PRDM5: variants seen among roughly 807,000 people sequenced by gnomAD.
PRDM5 encodes the protein PR/SET domain 5.
In PRDM5, 56 loss-of-function variants were observed where a neutral mutation model predicts 81.2. That is an observed-to-expected ratio of 0.69 (90% confidence interval 0.56 to 0.86). PRDM5 has a LOEUF of 0.86. Ranked by LOEUF, PRDM5 falls within the 40% of genes least tolerant of loss-of-function variation. PRDM5 has a pLI of 0.00. For synonymous variants in PRDM5, 267 were observed against 256.4 expected (o/e 1.04, Z -0.39); for missense variants, 697 against 770.1 (o/e 0.91, Z 1.12).
intron 10 of PRDM5, among the ~76,000 whole-genome samples, chr4:120,793,819 A>C (rs1561258712): frequency 6.6e-6 from 1 of 152,186 alleles, no homozygotes; most frequent in Admixed American, 6.5e-5. Flanking sequence ...ATAACGTGTG[A>C]GTAATGAATA....
chr4:120,877,543 G>A (rs1419642983), intron 2 of PRDM5, among the ~76,000 whole-genome samples: 2 of 152,156 alleles, frequency 1.3e-5, no homozygotes, highest in African/African-American at 4.8e-5. Context: ...GGTGGCTCAC[G>A]CCTGTAATCC....
At chr4:120,798,625 G>A (rs868688880) in intron 9 of PRDM5, among the ~76,000 whole-genome samples, 27 of 152,252 alleles carry the variant, frequency 1.8e-4, no homozygotes, top group African/African-American at 6.3e-4. Flanking sequence ...TCTTACAGAC[G>A]TATTTTGAAT....
intron 14 of PRDM5, among the ~76,000 whole-genome samples, chr4:120,746,949 GC>G (rs899375584): frequency 1.3e-5 from 2 of 151,050 alleles, no homozygotes; most frequent in African/African-American, 2.5e-5. Context: ...TACCCAAAGG[GC>G]TATAAATCAT....
intron 3 of PRDM5, chr4:120,839,195 G>A (rs375540235): frequency 4.0e-5 from 28 of 700,844 alleles, no homozygotes; most frequent in East Asian, 3.8e-4. Flanking sequence ...TCGCAATGTG[G>A]CAAGCAAGGA....
chr4:120,771,292 TTAAAAG>T (rs1407450737), intron 13 of PRDM5, among the ~76,000 whole-genome samples: 1 of 152,142 alleles, frequency 6.6e-6, no homozygotes, highest in Non-Finnish European at 1.5e-5. Context: ...AGTGTAAATA[TTAAAAG>T]CCTAGGATAA....
At chr4:120,714,540 C>T (rs1737474391) in intron 14 of PRDM5, among the ~76,000 whole-genome samples, 1 of 152,094 alleles carries the variant, frequency 6.6e-6, no homozygotes, top group African/African-American at 2.4e-5. Flanking sequence ...TTCTCATAAG[C>T]AACGCATGTT....
At chr4:120,849,793 C>A (rs1053853301) in intron 3 of PRDM5, among the ~76,000 whole-genome samples, 2 of 152,078 alleles carry the variant, frequency 1.3e-5, no homozygotes, top group Admixed American at 1.3e-4. Context: ...TCCTTTAGTG[C>A]AACAAAATTA....
rs376938324 is a variant in PRDM5, at chr4:120,742,809, T to C, written c.1623+11744A>G. On this transcript the variant is annotated intron_variant, in intron 14 of 15. Coordinates refer to ENST00000264808, the MANE Select transcript of PRDM5 (RefSeq NM_018699.4). ...AGACCAAATCTACGTCTGATTGGTG[T>C]ACCTGAAAGTGATGGGGAGAATGGA... Among the ~76,000 whole-genome samples the C allele has an allele frequency of 3.0e-4, 45 of 152,090 alleles. No individual in the cohort carries two copies. The South Asian group carries it at 9.1e-3, about 31-fold the overall frequency.
Position 120,767,050 on chromosome 4 carries a change from C to A in PRDM5, c.1537+10138G>T, listed in dbSNP as rs148226291. Among the ~76,000 whole-genome samples the A allele has an allele frequency of 3.1e-3, 470 of 152,064 alleles. 1 individual carries two copies. The highest frequency in any genetic ancestry group is 9.1e-3 in the African/African-American group (377 of 41,474). On this transcript the variant is annotated intron_variant, in intron 13 of 15. Transcript: ENST00000264808. ...GATGCAGAGCGGAACGAAGGGGAAG[C>A]AAGGATACAACCAGTTGGTTATTTA...
intron 2 of PRDM5, among the ~76,000 whole-genome samples, chr4:120,907,039 A>C (rs1765880299): frequency 6.6e-6 from 1 of 151,932 alleles, no homozygotes; most frequent in African/African-American, 2.4e-5. Flanking sequence ...TTTTTTTAAA[A>C]CCTAAAACAT....
At chr4:120,809,413 A>G (rs6534215) in intron 8 of PRDM5, among the ~76,000 whole-genome samples, 59,028 of 151,984 alleles carry the variant, frequency 0.39, 11,628 homozygotes, top group East Asian at 0.5. Context: ...TTTTAAAAAA[A>G]ACAAAAAAAT....
At chr4:120,715,050 A>G (rs1448391562) in intron 14 of PRDM5, among the ~76,000 whole-genome samples, 2 of 152,176 alleles carry the variant, frequency 1.3e-5, no homozygotes, top group African/African-American at 4.8e-5. Context: ...TAGCATTTCT[A>G]GAGTCCAAGA....
chr4:120,911,479 G>C (rs1349490778), intron 1 of PRDM5, among the ~76,000 whole-genome samples: 1 of 152,202 alleles, frequency 6.6e-6, no homozygotes, highest in Admixed American at 6.5e-5. Flanking sequence ...GAATAAAGCA[G>C]ATAATTAATC....
intron 14 of PRDM5, among the ~76,000 whole-genome samples, chr4:120,750,103 T>C (rs1578586491): frequency 6.6e-6 from 1 of 152,140 alleles, no homozygotes; most frequent in Non-Finnish European, 1.5e-5. Context: ...AAAAAGTAAA[T>C]TTTTAATTGC....
chr4:120,798,307 T>G lies in PRDM5; in HGVS notation c.1148A>C (p.Lys383Thr), dbSNP rs546901987. The change falls in exon 10 of 16, where the codon AAG becomes ACG. Residue 383 changes from lysine (K) to threonine (T), a missense_variant. This residue lies in a region of PRDM5 where 577 missense variants were observed against 606.7 expected (regional missense o/e 0.95). Transcript: ENST00000264808. ...DKPYKCKLCG[K>T]GFAHRNVYKN... ...GTAAACATTTCTGTGGGCAAATCCCTTTCCACAAAGTTTGCATTTGTAAGG... is the reference window on the plus strand; with the variant it reads ...GTAAACATTTCTGTGGGCAAATCCCGTTCCACAAAGTTTGCATTTGTAAGG... The G allele has an allele frequency of 1.2e-6, 2 of 1,610,694 alleles. No individual in the cohort carries two copies. Among genetic ancestry groups the G allele is most frequent in the East Asian group, 2.2e-5 (1 of 44,778 alleles).
At chr4:120,778,187 T>G (rs1748464036) in intron 12 of PRDM5, among the ~76,000 whole-genome samples, 1 of 152,044 alleles carries the variant, frequency 6.6e-6, no homozygotes, top group South Asian at 2.1e-4. Context: ...CAATGTAACC[T>G]AAAAATTAAT....
At chr4:120,761,456 A>G (rs1279030114) in intron 13 of PRDM5, among the ~76,000 whole-genome samples, 1 of 152,196 alleles carries the variant, frequency 6.6e-6, no homozygotes, top group East Asian at 1.9e-4. Flanking sequence ...TATGTATGTT[A>G]CCATATAGAT....
chr4:120,904,208 A>AAAAAAAAAAAAAAC (rs1410008827), intron 2 of PRDM5, among the ~76,000 whole-genome samples: 7 of 147,562 alleles, frequency 4.7e-5, no homozygotes, highest in Non-Finnish European at 1.0e-4. Flanking sequence ...AAAAAAAACA[A>AAAAAAAAAAAAAAC]AAAAACCTCC....
intron 14 of PRDM5, among the ~76,000 whole-genome samples, chr4:120,742,159 G>A (rs1237135484): frequency 6.6e-6 from 1 of 152,210 alleles, no homozygotes; most frequent in South Asian, 2.1e-4. Flanking sequence ...GCACCCTCCA[G>A]CAGGGGCACA....
Sources: gnomAD v4.1 joint callset for allele counts (sites outside exome capture counted in the v4.1 genomes callset) on GRCh38, gnomAD v4.1.1 for gene constraint, gnomAD v4.1.1 regional missense constraint, MANE v1.5 for transcripts, NCBI Gene and HGNC (gene_info 2026-07-23, HGNC 2026-07-21) for gene names.